The following VEGFD variants were observed in gnomAD, a reference collection of about 807,000 sequenced individuals.
The protein encoded by VEGFD is vascular endothelial growth factor D.
VEGFD carries 26 observed loss-of-function variants against 28.0 expected under a neutral mutation model. That is an observed-to-expected ratio of 0.93 (90% CI 0.68 to 1.29). VEGFD has a LOEUF of 1.29. VEGFD is among the 50% of genes most tolerant of loss of function. The pLI is 0.00. For missense variants in VEGFD, 294 were observed against 273.4 expected (o/e 1.08, Z -0.53); for synonymous variants, 93 against 95.5 (o/e 0.97, Z 0.15).
rs1422102711 is a variant in VEGFD at position 15,345,648 on chromosome X, C to T, written c.*485G>A. On this transcript the variant is annotated 3_prime_UTR_variant, in exon 7 of 7. Transcript: ENST00000297904. Reference sequence around the variant, plus strand: ...TTAAATACACTTAAATATGAAACATCAGATGGTAGTTCATTAAACTGGAAG... The same window carrying T: ...TTAAATACACTTAAATATGAAACATTAGATGGTAGTTCATTAAACTGGAAG... 8.9e-6 allele frequency: 1 copy of T among 112,925 alleles called. No homozygotes were observed. Among genetic ancestry groups the T allele is most frequent in the Non-Finnish European group, 1.9e-5 (1 of 53,797 alleles). 9.3% of individuals were successfully genotyped at this position (112,925 alleles called of 1,213,427 possible).
intron 2 of VEGFD, among the ~76,000 whole-genome samples, chrX:15,362,158 A>T (rs1923030550): frequency 8.9e-6 from 1 of 111,772 alleles, no homozygotes; most frequent in Admixed American, 9.5e-5. Context: ...GTCATCCACC[A>T]CACCTGGCCT....
intron 1 of VEGFD, among the ~76,000 whole-genome samples, chrX:15,366,797 A>G (rs1281831221): frequency 8.9e-6 from 1 of 112,321 alleles, no homozygotes; most frequent in African/African-American, 3.2e-5. Context: ...AACTGAAGCT[A>G]AATTTTTGAT....
chrX:15,377,116 T>G (rs1328434702), intron 1 of VEGFD, among the ~76,000 whole-genome samples: 1 of 112,544 alleles, frequency 8.9e-6, no homozygotes, highest in African/African-American at 3.2e-5. Flanking sequence ...ACTGGCCAAG[T>G]TGAACTCCCT....
intron 6 of VEGFD, among the ~76,000 whole-genome samples, chrX:15,346,546 G>T (rs759532355): frequency 7.2e-5 from 8 of 111,843 alleles, no homozygotes; most frequent in Non-Finnish European, 1.1e-4. Context: ...AACTAAACAG[G>T]TTGATGATCT....
At chrX:15,352,679 C>T in intron 5 of VEGFD, among the ~76,000 whole-genome samples, 1 of 112,131 alleles carries the variant, frequency 8.9e-6, no homozygotes, top group Non-Finnish European at 1.9e-5. Flanking sequence ...TCTGAAGCAG[C>T]TTTCATTCAA....
chrX:15,377,524 T>G (rs1363851182), intron 1 of VEGFD, among the ~76,000 whole-genome samples: 1 of 112,532 alleles, frequency 8.9e-6, no homozygotes, highest in Non-Finnish European at 1.9e-5. Flanking sequence ...AAATTGAGAA[T>G]GTTTTTGACA....
chrX:15,368,107 GGAAA>G (rs1170401366), intron 1 of VEGFD, among the ~76,000 whole-genome samples: 18 of 82,991 alleles, frequency 2.2e-4, no homozygotes, highest in East Asian at 1.4e-3. Context: ...AAGAAAAGAA[GGAAA>G]GAAAGAAAGG....
chrX:15,346,395 A>G (rs1210070144), intron 6 of VEGFD, 136 bp from the exon 7 acceptor site: 8 of 642,319 alleles, frequency 1.2e-5, no homozygotes, highest in South Asian at 9.9e-5. Context: ...GTTATCCCAC[A>G]TGGATTCAAA....
rs918103673 is a variant in VEGFD, at chrX:15,347,829, C to A, written c.743-470G>T. 1.6e-4 allele frequency among the ~76,000 whole-genome samples: 18 copies of A among 111,663 alleles called. 1 individual carries two copies. The highest frequency in any genetic ancestry group is 5.9e-4 in the African/African-American group (18 of 30,689). On this transcript the variant is annotated intron_variant, in intron 5 of 6. Coordinates refer to ENST00000297904, the MANE Select transcript of VEGFD (RefSeq NM_004469.5). ...GCAATAGCAATGCATGTCCTCACTG[C>A]AGATCATAACACTAGTATAAAAGAT...
At chrX:15,347,103 A>G in intron 6 of VEGFD, 61 bp downstream of exon 6, 1 of 1,068,165 alleles carries the variant, frequency 9.4e-7, no homozygotes, top group Admixed American at 2.7e-5. Context: ...AATCCCACCA[A>G]ATTAAAATGG....
intron 1 of VEGFD, among the ~76,000 whole-genome samples, chrX:15,379,388 G>C (rs1017937885): frequency 9.0e-6 from 1 of 111,691 alleles, no homozygotes; most frequent in African/African-American, 3.3e-5. Flanking sequence ...GCTCTAATGA[G>C]AGACTAGGCA....
intron 1 of VEGFD, among the ~76,000 whole-genome samples, chrX:15,374,718 C>T (rs969987107): frequency 1.8e-5 from 2 of 110,930 alleles, no homozygotes; most frequent in Non-Finnish European, 3.8e-5. Context: ...GGAAAAAATC[C>T]ATTTTACTCT....
intron 5 of VEGFD, among the ~76,000 whole-genome samples, 157 bp downstream of exon 5, chrX:15,352,911 A>G (rs548259918): frequency 2.7e-5 from 3 of 112,714 alleles, no homozygotes; most frequent in Admixed American, 9.4e-5. Context: ...AAAAGAAATA[A>G]CAATAGTACA....
intron 1 of VEGFD, among the ~76,000 whole-genome samples, chrX:15,372,544 A>G (rs767210361): frequency 9.0e-6 from 1 of 111,380 alleles, no homozygotes; most frequent in Admixed American, 9.7e-5. Flanking sequence ...TAAATCTCAC[A>G]GATTCTCATT....
chrX:15,382,603 C>T (rs1347199504), intron 1 of VEGFD, among the ~76,000 whole-genome samples: 1 of 111,701 alleles, frequency 9.0e-6, no homozygotes, highest in East Asian at 2.8e-4. Context: ...ACAAGTCAGA[C>T]CGTTTTCTCC....
At chrX:15,367,091 G>A (rs1215082675) in intron 1 of VEGFD, among the ~76,000 whole-genome samples, 1 of 111,853 alleles carries the variant, frequency 8.9e-6, no homozygotes, top group Non-Finnish European at 1.9e-5. Flanking sequence ...GCATATGCAG[G>A]AGAGCTAAGG....
intron 1 of VEGFD, among the ~76,000 whole-genome samples, chrX:15,365,717 C>T (rs1040220338): frequency 9.0e-6 from 1 of 111,618 alleles, no homozygotes; most frequent in Non-Finnish European, 1.9e-5. Flanking sequence ...AATATTGCCT[C>T]TACTCTCTTT....
Position 15,352,281 on chromosome X carries a change from G to C in VEGFD, c.742+787C>G, listed in dbSNP as rs1354459973. Among the ~76,000 whole-genome samples, 3 of 109,800 alleles carry C rather than the reference G, an allele frequency of 2.7e-5. No individual in the cohort carries two copies. The Admixed American group carries it at 2.9e-4, about 11-fold the overall frequency. ...TAGATTATAGTTTAAAACAAGCAAGGTTAAAACTGCATGACTACTTGTGAC... is the reference window on the plus strand; with the variant it reads ...TAGATTATAGTTTAAAACAAGCAAGCTTAAAACTGCATGACTACTTGTGAC... On this transcript the variant is annotated intron_variant, in intron 5 of 6. Transcript: ENST00000297904.
chrX:15,370,790 T>G (rs1923287819), intron 1 of VEGFD, among the ~76,000 whole-genome samples: 1 of 110,864 alleles, frequency 9.0e-6, no homozygotes, highest in Non-Finnish European at 1.9e-5. Context: ...TTCTTTTTTC[T>G]TTCTTTCTTT....
Sources: allele counts gnomAD v4.1 joint callset (sites outside exome capture counted in the v4.1 genomes callset), GRCh38; gene constraint gnomAD v4.1.1; transcripts MANE v1.5; gene names NCBI Gene and HGNC (gene_info 2026-07-23, HGNC 2026-07-21).